NKAIN3: variants seen among roughly 807,000 people sequenced by gnomAD.
The protein encoded by NKAIN3 is sodium/potassium transporting ATPase interacting 3.
In NKAIN3, 25 loss-of-function variants were observed where a neutral mutation model predicts 30.2. The observed-to-expected ratio is 0.83, with a 90% CI of 0.60 to 1.16. NKAIN3 has a LOEUF of 1.16. Among genes scored for constraint, NKAIN3 ranks in the 50% most tolerant of loss-of-function variants. The probability of loss-of-function intolerance (pLI) is 0.00; values close to 1 mark genes in which losing one functional copy is unlikely to be tolerated. For missense variants in NKAIN3, 225 were observed against 254.1 expected (o/e 0.89, Z 0.78); for synonymous variants, 91 against 89.6 (o/e 1.02, Z -0.09).
At chr8:62,596,827 C>T (rs1464741241) in intron 3 of NKAIN3, among the ~76,000 whole-genome samples, 1 of 152,068 alleles carries the variant, frequency 6.6e-6, no homozygotes, top group East Asian at 1.9e-4. Flanking sequence ...TACTTGTTGA[C>T]AGTTATGTTC....
At chr8:62,703,473 A>G (rs536185956) in intron 3 of NKAIN3, among the ~76,000 whole-genome samples, 2 of 152,346 alleles carry the variant, frequency 1.3e-5, no homozygotes, top group East Asian at 3.9e-4. Context: ...ACATTTAGAT[A>G]TATCAGCTAT....
intron 3 of NKAIN3, among the ~76,000 whole-genome samples, chr8:62,695,125 C>G (rs1303001752): frequency 6.6e-6 from 1 of 152,150 alleles, no homozygotes; most frequent in Non-Finnish European, 1.5e-5. Context: ...TCCTTCCTTG[C>G]CTTATCATGG....
chr8:62,296,600 C>G (rs1048038393), intron 1 of NKAIN3, among the ~76,000 whole-genome samples: 1 of 152,128 alleles, frequency 6.6e-6, no homozygotes, highest in Non-Finnish European at 1.5e-5. Context: ...CAAGAAAAGA[C>G]AGGATGTATT....
At chr8:62,439,318 A>G (rs1253384824) in intron 1 of NKAIN3, among the ~76,000 whole-genome samples, 2 of 152,170 alleles carry the variant, frequency 1.3e-5, no homozygotes, top group Non-Finnish European at 2.9e-5. Flanking sequence ...ATTTTAAGAG[A>G]GGTGCCACAT....
At chr8:62,440,230 A>G (rs1459738264) in intron 1 of NKAIN3, among the ~76,000 whole-genome samples, 1 of 152,118 alleles carries the variant, frequency 6.6e-6, no homozygotes, top group African/African-American at 2.4e-5. Context: ...ACAAAGTCCA[A>G]CCCAAACTAA....
At chr8:62,329,507 G>T (rs1363499392) in intron 1 of NKAIN3, among the ~76,000 whole-genome samples, 1 of 152,050 alleles carries the variant, frequency 6.6e-6, no homozygotes, top group East Asian at 1.9e-4. Context: ...TTCTCCTCCA[G>T]TGATCCCCAG....
intron 5 of NKAIN3, among the ~76,000 whole-genome samples, chr8:62,919,912 T>C (rs937366605): frequency 5.3e-5 from 8 of 152,280 alleles, no homozygotes; most frequent in Non-Finnish European, 7.4e-5. Context: ...CAGAGTTTTT[T>C]TTTTTTTTTA....
chr8:62,444,073 G>A (rs368615901), intron 1 of NKAIN3, among the ~76,000 whole-genome samples: 1 of 152,054 alleles, frequency 6.6e-6, no homozygotes, highest in African/African-American at 2.4e-5. Context: ...CCACTATGAC[G>A]TGCTGCCTTC....
chr8:62,598,008 C>T (rs750231665), intron 3 of NKAIN3, among the ~76,000 whole-genome samples: 5 of 151,958 alleles, frequency 3.3e-5, no homozygotes, highest in South Asian at 2.1e-4. Flanking sequence ...AAAGTTCCAA[C>T]GTCAAACTCC....
rs563921548 is a variant in NKAIN3, at chr8:62,542,407, A to G, written c.55-37132A>G. Reference sequence around the variant, plus strand: ...TTTTTTTTGGATAAAACAACATGATATATGTGAACTTTATTTGCGTAACTA... The same window carrying G: ...TTTTTTTTGGATAAAACAACATGATGTATGTGAACTTTATTTGCGTAACTA... On this transcript the variant is annotated intron_variant, in intron 1 of 6. Transcript: ENST00000623646. Among the ~76,000 whole-genome samples the G allele has an allele frequency of 2.0e-5, 3 of 152,296 alleles. No homozygotes were observed. In the South Asian group the frequency reaches 6.2e-4, roughly 32 times the overall value.
At chr8:62,843,485 T>C (rs1021686293) in intron 4 of NKAIN3, among the ~76,000 whole-genome samples, 8 of 151,804 alleles carry the variant, frequency 5.3e-5, no homozygotes, top group African/African-American at 1.9e-4. Context: ...TACAGGCACA[T>C]GCCACCACAC....
downstream of NKAIN3, among the ~76,000 whole-genome samples, chr8:62,985,751 A>G (rs1477927834): frequency 2.6e-5 from 4 of 151,938 alleles, no homozygotes; most frequent in East Asian, 7.8e-4. Flanking sequence ...CATTCATCAC[A>G]GAAAAAAAAA....
intron 1 of NKAIN3, among the ~76,000 whole-genome samples, chr8:62,510,809 T>G (rs1233999236): frequency 6.6e-6 from 1 of 152,114 alleles, no homozygotes; most frequent in Non-Finnish European, 1.5e-5. Context: ...CAGCTTTTAG[T>G]CTTTTTCCTT....
At chr8:62,777,177 C>A (rs1253636187) in intron 4 of NKAIN3, among the ~76,000 whole-genome samples, 2 of 152,104 alleles carry the variant, frequency 1.3e-5, no homozygotes, top group Non-Finnish European at 2.9e-5. Context: ...GAGGAGCCTT[C>A]TTTAGGTTAA....
intron 1 of NKAIN3, among the ~76,000 whole-genome samples, chr8:62,374,978 C>T (rs531621446): frequency 2.9e-4 from 44 of 152,314 alleles, no homozygotes; most frequent in African/African-American, 9.9e-4. Flanking sequence ...TGTTGTCAAT[C>T]ATTAATTATT....
intron 1 of NKAIN3, among the ~76,000 whole-genome samples, chr8:62,359,304 C>A (rs767165211): frequency 9.2e-5 from 14 of 152,150 alleles, no homozygotes; most frequent in Non-Finnish European, 1.5e-4. Flanking sequence ...TTTTTATGTA[C>A]CTGGTTTAGA....
At chr8:62,289,956 A>G (rs932536407) in intron 1 of NKAIN3, among the ~76,000 whole-genome samples, 1 of 152,182 alleles carries the variant, frequency 6.6e-6, no homozygotes, top group Non-Finnish European at 1.5e-5. Flanking sequence ...GAGGTCCTTC[A>G]CATCCCTTGT....
intron 4 of NKAIN3, among the ~76,000 whole-genome samples, chr8:62,814,079 C>CT (rs1235502992): frequency 6.6e-5 from 10 of 151,868 alleles, no homozygotes; most frequent in Non-Finnish European, 1.3e-4. Context: ...TTTTCTCTGT[C>CT]TTTGACTTTT....
At chr8:62,268,070 T>A (rs767651967) in intron 1 of NKAIN3, among the ~76,000 whole-genome samples, 1 of 152,144 alleles carries the variant, frequency 6.6e-6, no homozygotes, top group South Asian at 2.1e-4. Flanking sequence ...TCTCATATAG[T>A]AAGAAATCAA....
Sources: allele counts gnomAD v4.1 joint callset (sites outside exome capture counted in the v4.1 genomes callset), GRCh38; gene constraint gnomAD v4.1.1; transcripts MANE v1.5; gene names NCBI Gene and HGNC (gene_info 2026-07-23, HGNC 2026-07-21).